KCNH7: variants seen among roughly 807,000 people sequenced by gnomAD.
KCNH7 encodes the protein voltage-gated inwardly rectifying potassium channel KCNH7.
In KCNH7, 49 loss-of-function variants were observed where a neutral mutation model predicts 120.8. The observed-to-expected ratio is 0.41, with a 90% CI of 0.32 to 0.51. KCNH7 has a LOEUF of 0.51. Ranked by LOEUF, KCNH7 falls within the 20% of genes least tolerant of loss-of-function variation. The pLI is 0.38. For synonymous variants in KCNH7, 547 were observed against 516.1 expected (o/e 1.06, Z -0.81); for missense variants, 1,097 against 1,446.6 (o/e 0.76, Z 3.92).
At chr2:162,781,271 T>C (rs1683474361) in intron 2 of KCNH7, among the ~76,000 whole-genome samples, 2 of 152,070 alleles carry the variant, frequency 1.3e-5, no homozygotes, top group Non-Finnish European at 2.9e-5. Context: ...TTTGATAGCA[T>C]CTATTATTAT....
chr2:162,435,621 C>A, intron 7 of KCNH7, 24 bp from the exon 8 acceptor site: 4 of 1,542,314 alleles, frequency 2.6e-6, no homozygotes, highest in Non-Finnish European at 3.5e-6. Context: ...TGTACACAGT[C>A]AGAAACGGTC....
intron 2 of KCNH7, among the ~76,000 whole-genome samples, chr2:162,782,851 T>C (rs1282403001): frequency 2.0e-5 from 3 of 152,204 alleles, no homozygotes; most frequent in Non-Finnish European, 2.9e-5. Flanking sequence ...CTGGAAATCA[T>C]GTTTCTCGAA....
At chr2:162,567,380 G>A (rs2105891558) in intron 2 of KCNH7, among the ~76,000 whole-genome samples, 1 of 152,052 alleles carries the variant, frequency 6.6e-6, no homozygotes, top group African/African-American at 2.4e-5. Flanking sequence ...ATACGAAATT[G>A]GGGGTTGGAG....
At chr2:162,445,711 C>A (rs1009560138) in intron 7 of KCNH7, among the ~76,000 whole-genome samples, 3 of 152,086 alleles carry the variant, frequency 2.0e-5, no homozygotes, top group African/African-American at 7.2e-5. Context: ...GAGTTTTACA[C>A]CCGTGAAGTT....
intron 8 of KCNH7, among the ~76,000 whole-genome samples, chr2:162,431,420 G>T (rs1487355942): frequency 6.6e-6 from 1 of 151,860 alleles, no homozygotes; most frequent in Non-Finnish European, 1.5e-5. Context: ...AATATAGTTA[G>T]ATTTAACTGG....
intron 6 of KCNH7, among the ~76,000 whole-genome samples, chr2:162,492,841 T>TATGTTTTTC (rs1164509145): frequency 7.1e-4 from 107 of 149,936 alleles, no homozygotes; most frequent in African/African-American, 2.4e-3. Flanking sequence ...AAAAGGACTC[T>TATGTTTTTC]ATGTTTTTCT....
intron 6 of KCNH7, among the ~76,000 whole-genome samples, chr2:162,461,980 C>T (rs1689160833): frequency 6.6e-6 from 1 of 152,054 alleles, no homozygotes; most frequent in African/African-American, 2.4e-5. Context: ...TATGGAGTCT[C>T]TGTCAGTTTT....
chr2:162,792,772 TGTGTGTGTGTG>T (rs1684001195), intron 2 of KCNH7, among the ~76,000 whole-genome samples: 1 of 3,198 alleles, frequency 3.1e-4, no homozygotes, highest in African/African-American at 4.9e-4. Flanking sequence ...GGTGTGTGTG[TGTGTGTGTGTG>T]TGTGTGTGTG....
At chr2:162,729,733 C>T (rs574790662) in intron 2 of KCNH7, among the ~76,000 whole-genome samples, 16 of 152,150 alleles carry the variant, frequency 1.1e-4, no homozygotes, top group Non-Finnish European at 2.1e-4. Context: ...TCAGTCTTTC[C>T]TCATGAGATG....
chr2:162,509,174 G>A (rs1394132400), intron 5 of KCNH7, among the ~76,000 whole-genome samples: 3 of 151,288 alleles, frequency 2.0e-5, no homozygotes, highest in African/African-American at 7.3e-5. Context: ...AGCAACAACT[G>A]GGAAGAATTT....
intron 2 of KCNH7, among the ~76,000 whole-genome samples, chr2:162,599,755 A>T (rs1301817233): frequency 1.3e-5 from 2 of 151,972 alleles, no homozygotes; most frequent in Non-Finnish European, 2.9e-5. Context: ...ATTATATACT[A>T]TGTTTCACAA....
chr2:162,810,867 C>T (rs947865318), intron 2 of KCNH7, among the ~76,000 whole-genome samples: 11 of 151,856 alleles, frequency 7.2e-5, no homozygotes, highest in South Asian at 2.1e-4. Flanking sequence ...ACCTTCTTTT[C>T]GTAAATTAAA....
rs553828136 is a variant in KCNH7, at chr2:162,549,159, TTTA to T, written c.308-12082_308-12080del. ...TTATGAAAATTTACCAGTACATACATTTATCCAAGGGTCTTGCTTAAGCACTTC... is the reference window on the plus strand; with the variant it reads ...TTATGAAAATTTACCAGTACATACATTCCAAGGGTCTTGCTTAAGCACTTC... On this transcript the variant is annotated intron_variant, in intron 2 of 15. Coordinates refer to ENST00000332142, the MANE Select transcript of KCNH7 (RefSeq NM_033272.4). 2.3e-3 allele frequency among the ~76,000 whole-genome samples: 355 copies of T among 152,342 alleles called. 2 individuals carry two copies. The highest frequency in any genetic ancestry group is 1.8e-3 in the Non-Finnish European group (125 of 68,028).
At chr2:162,790,659 G>T (rs1683900633) in intron 2 of KCNH7, among the ~76,000 whole-genome samples, 2 of 152,044 alleles carry the variant, frequency 1.3e-5, no homozygotes, top group African/African-American at 4.8e-5. Context: ...TTACACTTGG[G>T]AGGAAAGGAC....
At chr2:162,816,051 G>T (rs1164256035) in intron 2 of KCNH7, among the ~76,000 whole-genome samples, 1 of 152,016 alleles carries the variant, frequency 6.6e-6, no homozygotes. Flanking sequence ...CTGAGGTCGG[G>T]AGTTCGAGAC....
chr2:162,517,622 T>G, intron 4 of KCNH7, 108 bp downstream of exon 4: 1 of 971,388 alleles, frequency 1.0e-6, no homozygotes. Context: ...TTTAATCACA[T>G]TTCTTTCCCC....
intron 9 of KCNH7, among the ~76,000 whole-genome samples, chr2:162,413,659 C>A (rs1343506184): frequency 6.6e-6 from 1 of 151,684 alleles, no homozygotes; most frequent in Non-Finnish European, 1.5e-5. Flanking sequence ...TAATCATATA[C>A]CAAATCGTAT....
intron 2 of KCNH7, among the ~76,000 whole-genome samples, chr2:162,715,966 G>T (rs1211707689): frequency 6.6e-6 from 1 of 151,994 alleles, no homozygotes; most frequent in Admixed American, 6.6e-5. Context: ...GTGTGTGTGT[G>T]TGTGTGTGTG....
intron 2 of KCNH7, among the ~76,000 whole-genome samples, chr2:162,681,555 C>T (rs2105313191): frequency 6.6e-6 from 1 of 151,804 alleles, no homozygotes; most frequent in Non-Finnish European, 1.5e-5. Flanking sequence ...TTCAGCCCTA[C>T]CCAAAAACTC....
Sources: gnomAD v4.1 joint callset for allele counts (sites outside exome capture counted in the v4.1 genomes callset) on GRCh38, gnomAD v4.1.1 for gene constraint, MANE v1.5 for transcripts, NCBI Gene and HGNC (gene_info 2026-07-23, HGNC 2026-07-21) for gene names.